The following NSUN7 variants were observed in gnomAD, a reference collection of about 807,000 sequenced individuals.
NSUN7 encodes the protein protein NSUN7.
In NSUN7, 39 loss-of-function variants were observed where a neutral mutation model predicts 58.5. The ratio of observed to expected loss-of-function variants is 0.67; its 90% CI spans 0.52 to 0.87. NSUN7 has a LOEUF of 0.87. NSUN7 is among the 40% of genes least tolerant of loss of function. The pLI is 0.00. For missense variants in NSUN7, 765 were observed against 844.1 expected, an observed-to-expected ratio of 0.91 and a Z score of 1.16; for synonymous variants, 278 against 303.7, an observed-to-expected ratio of 0.92 and a Z score of 0.88.
At chr4:40,787,320 A>C (rs1305181756) in intron 7 of NSUN7, among the ~76,000 whole-genome samples, 1 of 151,168 alleles carries the variant, frequency 6.6e-6, no homozygotes, top group East Asian at 1.9e-4. Flanking sequence ...ATGATCAATA[A>C]ATACTAAAAA....
chr4:40,806,110 T>G (rs1743799985), intron 10 of NSUN7, among the ~76,000 whole-genome samples: 1 of 152,182 alleles, frequency 6.6e-6, no homozygotes, highest in Admixed American at 6.5e-5. Context: ...TTCTCTTGCC[T>G]CAGCCTCCCG....
intron 5 of NSUN7, 147 bp from the exon 6 acceptor site, chr4:40,774,620 T>C (rs1263333131): frequency 1.4e-6 from 1 of 696,218 alleles, no homozygotes; most frequent in Non-Finnish European, 2.4e-6. Context: ...AATTATCTTT[T>C]AGTTTATTGT....
chr4:40,751,918 CCT>C (rs1740855848), intron 2 of NSUN7, among the ~76,000 whole-genome samples: 1 of 152,078 alleles, frequency 6.6e-6, no homozygotes, highest in Non-Finnish European at 1.5e-5. Context: ...ATCGCTTGAG[CCT>C]GGGAGGCAGA....
chr4:40,750,995 A>C lies in NSUN7; in HGVS notation c.298+4A>C. On this transcript the variant is annotated splice_donor_region_variant and intron_variant, in intron 2 of 11. Coordinates refer to ENST00000381782, the MANE Select transcript of NSUN7 (RefSeq NM_024677.6). Reference sequence around the variant, plus strand: ...CTGGCTTTCAGTGCCCTGAAATGTGAGTTGTGCCAGTCTGGAAGATCAACA... The same window carrying C: ...CTGGCTTTCAGTGCCCTGAAATGTGCGTTGTGCCAGTCTGGAAGATCAACA... 1 of 1,611,688 alleles carries C rather than the reference A, an allele frequency of 6.2e-7. No homozygotes were observed. Among genetic ancestry groups the C allele is most frequent in the Non-Finnish European group, 8.5e-7 (1 of 1,178,106 alleles).
chr4:40,778,535 C>T (rs1742377425), intron 7 of NSUN7, among the ~76,000 whole-genome samples: 1 of 152,184 alleles, frequency 6.6e-6, no homozygotes, highest in Non-Finnish European at 1.5e-5. Context: ...CCCCTTTCAC[C>T]ATCTGAGGAT....
At chr4:40,795,612 T>C (rs1352140633) in intron 9 of NSUN7, among the ~76,000 whole-genome samples, 1 of 152,174 alleles carries the variant, frequency 6.6e-6, no homozygotes, top group Non-Finnish European at 1.5e-5. Context: ...ATTATGGCAG[T>C]TTATGTTACT....
chr4:40,796,804 C>G (rs903542643), intron 9 of NSUN7, among the ~76,000 whole-genome samples: 2 of 152,156 alleles, frequency 1.3e-5, no homozygotes, highest in African/African-American at 4.8e-5. Flanking sequence ...TCTGTGCTCT[C>G]TAGAATTTAT....
intron 11 of NSUN7, among the ~76,000 whole-genome samples, chr4:40,807,515 A>G (rs1315598026): frequency 6.6e-6 from 1 of 151,940 alleles, no homozygotes; most frequent in Non-Finnish European, 1.5e-5. Context: ...ATGCCCGGCT[A>G]ATTTTTTTAT....
intron 10 of NSUN7, among the ~76,000 whole-genome samples, chr4:40,799,435 A>G (rs1355557904): frequency 6.6e-6 from 1 of 151,750 alleles, no homozygotes; most frequent in East Asian, 1.9e-4. Context: ...TGAGGTGGGC[A>G]CATACCTTTA....
rs761448412 is a variant in NSUN7 at position 40,799,073 on chromosome 4, CTTTTTTTTTTTTTTTTTT to C, written c.1400+181_1400+198del. ...AACCAAGATTCCATAGGGCCTTTTT[CTTTTTTTTTTTTTTTTTT>C]TTTTTTTTTTTAAAGATGGAATCTT... On this transcript the variant is annotated intron_variant, in intron 10 of 11. Transcript: ENST00000381782. Among the ~76,000 whole-genome samples the C allele has an allele frequency of 3.9e-4, 30 of 76,246 alleles. 1 individual carries two copies. The East Asian group carries it at 9.8e-3, about 25-fold the overall frequency. 50.0% of individuals were successfully genotyped at this position (76,246 alleles called of 152,430 possible).
In NSUN7 at chr4:40,760,465, C is replaced by A; in HGVS notation, c.330C>A (p.Asp110Glu). 1 of 1,609,226 alleles carries A rather than the reference C, an allele frequency of 6.2e-7. No homozygotes were observed. Among genetic ancestry groups the A allele is most frequent in the Non-Finnish European group, 8.5e-7 (1 of 1,176,962 alleles). ...YQDILETILI[D>E]SCIFPSTTIP... is the part of the protein sequence containing the mutation. ...ATATTTTGGAAACTATATTGATAGACAGCTGTATCTTCCCAAGTACCACAA... is the reference window on the plus strand; with the variant it reads ...ATATTTTGGAAACTATATTGATAGAAAGCTGTATCTTCCCAAGTACCACAA... Residue 110 changes from aspartate to glutamate, a missense_variant, in exon 3 of 12, where the codon GAC becomes GAA. Asp to Glu is a conservative substitution (Grantham distance 45). Coordinates refer to ENST00000381782, the MANE Select transcript of NSUN7 (RefSeq NM_024677.6).
intron 8 of NSUN7, among the ~76,000 whole-genome samples, chr4:40,791,732 G>T (rs1317655439): frequency 6.6e-6 from 1 of 152,128 alleles, no homozygotes; most frequent in Non-Finnish European, 1.5e-5. Context: ...TTTCTAGCAA[G>T]GACAGAAGAG....
At chr4:40,794,543 G>C in intron 9 of NSUN7, 67 bp downstream of exon 9, 2 of 951,990 alleles carry the variant, frequency 2.1e-6, no homozygotes, top group Non-Finnish European at 1.7e-6. Context: ...AGTCTTTCAC[G>C]ATCTATTATA....
At position 40,751,807 on chromosome 4, in the gene NSUN7, A is replaced by G. The variant is rs537716501; in HGVS notation, c.298+816A>G. On this transcript the variant is annotated intron_variant, in intron 2 of 11. Coordinates refer to ENST00000381782, the MANE Select transcript of NSUN7 (RefSeq NM_024677.6). ...TCAGGCGTTAAAGACCAGCCTGGGC[A>G]TATAGTGAGATCTCCTCTCTACAAA... 3.9e-5 allele frequency among the ~76,000 whole-genome samples: 6 copies of G among 152,254 alleles called. No individual in the cohort carries two copies. The East Asian group carries it at 1.2e-3, about 29-fold the overall frequency.
intron 11 of NSUN7, 138 bp downstream of exon 11, chr4:40,807,322 G>C: frequency 2.6e-6 from 2 of 759,766 alleles, no homozygotes; most frequent in Admixed American, 6.8e-5. Context: ...TGAAGGGCAG[G>C]AACAAGAATT....
At chr4:40,774,520 G>A (rs1248384997) in intron 5 of NSUN7, 103 bp downstream of exon 5, 2 of 1,138,510 alleles carry the variant, frequency 1.8e-6, no homozygotes, top group East Asian at 2.4e-5. Context: ...GCACATCTAG[G>A]GGAGTGATTA....
intron 9 of NSUN7, 76 bp downstream of exon 9, chr4:40,794,552 T>C (rs1743236450): frequency 1.1e-6 from 1 of 876,436 alleles, no homozygotes; most frequent in African/African-American, 1.7e-5. Flanking sequence ...CGATCTATTA[T>C]AATCAAGCAA....
chr4:40,780,850 C>T (rs1262292918), intron 7 of NSUN7, among the ~76,000 whole-genome samples: 8 of 121,500 alleles, frequency 6.6e-5, no homozygotes, highest in African/African-American at 2.6e-4. Flanking sequence ...GACGGTGTCT[C>T]GCTCTGTCGC....
rs2154288369 is a variant in NSUN7 at position 40,786,353 on chromosome 4, A to C, written c.1037-4249A>C. 3.1e-6 allele frequency: 5 copies of C among 1,612,094 alleles called. No individual in the cohort carries two copies. In the South Asian group the frequency reaches 5.5e-5, roughly 18 times the overall value. Reference sequence around the variant, plus strand: ...TTCTGGGATGTAGGTGGTCAGGAGAAATTAAGGCCACTGTGGAAGTCATAT... The same window carrying C: ...TTCTGGGATGTAGGTGGTCAGGAGACATTAAGGCCACTGTGGAAGTCATAT... On this transcript the variant is annotated intron_variant, in intron 7 of 11. Coordinates refer to ENST00000381782, the MANE Select transcript of NSUN7 (RefSeq NM_024677.6).
Sources: allele counts gnomAD v4.1 joint callset (sites outside exome capture counted in the v4.1 genomes callset), GRCh38; gene constraint gnomAD v4.1.1; transcripts MANE v1.5; gene names NCBI Gene and HGNC (gene_info 2026-07-23, HGNC 2026-07-21).